Variants in DCC observed in about 807,000 individuals in gnomAD.
DCC encodes the protein netrin receptor DCC.
A neutral mutation model predicts 172.5 loss-of-function variants in DCC; 58 were observed. The ratio of observed to expected loss-of-function variants is 0.34; its 90% CI spans 0.27 to 0.42. The LOEUF (loss-of-function observed/expected upper bound fraction) is 0.42. Among genes scored for constraint, DCC ranks in the 10% least tolerant of loss-of-function variants. DCC has a pLI of 1.00. For synonymous variants in DCC, 709 were observed against 644.5 expected (o/e 1.10, Z -1.52); for missense variants, 1,740 against 1,791.0 (o/e 0.97, Z 0.51).
intron 1 of DCC, among the ~76,000 whole-genome samples, chr18:52,748,789 G>A (rs1376634147): frequency 3.3e-5 from 5 of 152,212 alleles, no homozygotes; most frequent in South Asian, 2.1e-4. Flanking sequence ...GCGGAGAGGC[G>A]ATCTGCAGTG....
chr18:53,045,315 A>C (rs1445176186), intron 5 of DCC, among the ~76,000 whole-genome samples: 1 of 151,930 alleles, frequency 6.6e-6, no homozygotes, highest in Non-Finnish European at 1.5e-5. Context: ...TGCAAGGACA[A>C]AAATGTAAGA....
At chr18:52,385,836 G>A (rs747096879) in intron 1 of DCC, among the ~76,000 whole-genome samples, 16 of 152,062 alleles carry the variant, frequency 1.1e-4, no homozygotes, top group Admixed American at 2.0e-4. Context: ...GCTTGGTATA[G>A]TTGACAATTG....
intron 5 of DCC, among the ~76,000 whole-genome samples, chr18:53,025,248 T>C (rs1243765375): frequency 1.3e-5 from 2 of 152,118 alleles, no homozygotes; most frequent in African/African-American, 4.8e-5. Flanking sequence ...ATTTTTAAAA[T>C]GATATCACTA....
At chr18:52,934,073 G>A (rs1446765785) in intron 5 of DCC, among the ~76,000 whole-genome samples, 2 of 151,944 alleles carry the variant, frequency 1.3e-5, no homozygotes, top group Non-Finnish European at 2.9e-5. Context: ...CATCCCAAAT[G>A]TCACAAATAT....
chr18:52,890,484 C>A (rs1252425156), intron 2 of DCC, among the ~76,000 whole-genome samples: 1 of 152,036 alleles, frequency 6.6e-6, no homozygotes, highest in African/African-American at 2.4e-5. Flanking sequence ...TGGTACATAT[C>A]AGGTAAGAAA....
At chr18:53,051,137 G>A (rs1217793567) in intron 5 of DCC, among the ~76,000 whole-genome samples, 1 of 152,056 alleles carries the variant, frequency 6.6e-6, no homozygotes, top group African/African-American at 2.4e-5. Context: ...GAGTGACATG[G>A]GAGGAGCACT....
intron 9 of DCC, among the ~76,000 whole-genome samples, chr18:53,198,596 A>G (rs2055486018): frequency 6.6e-6 from 1 of 152,148 alleles, no homozygotes. Flanking sequence ...CTCATTATAA[A>G]GTGCTCTGTT....
intron 1 of DCC, among the ~76,000 whole-genome samples, chr18:52,427,632 T>G (rs1987473408): frequency 6.6e-6 from 1 of 152,042 alleles, no homozygotes; most frequent in Admixed American, 6.6e-5. Context: ...TGTTGGCACT[T>G]GTCAGCCAGT....
chr18:52,669,493 C>A (rs539392730), intron 1 of DCC, among the ~76,000 whole-genome samples: 25 of 152,294 alleles, frequency 1.6e-4, no homozygotes, highest in African/African-American at 6.0e-4. Flanking sequence ...CAAGAAGGAA[C>A]AAGGACAGCT....
At chr18:52,830,138 G>A (rs914962855) in intron 2 of DCC, among the ~76,000 whole-genome samples, 1 of 152,150 alleles carries the variant, frequency 6.6e-6, no homozygotes, top group African/African-American at 2.4e-5. Flanking sequence ...AAGAGAGGAA[G>A]ATGCAGTGGA....
intron 8 of DCC, 149 bp downstream of exon 8, chr18:53,157,661 G>A (rs2054765331): frequency 2.5e-6 from 2 of 812,942 alleles, no homozygotes; most frequent in Admixed American, 2.0e-5. Context: ...CAGTGGAGAT[G>A]TGCACTTTTA....
At position 52,730,041 on chromosome 18, in the gene DCC, T is replaced by C. The variant is rs554606373; in HGVS notation, c.92-22013T>C. Among the ~76,000 whole-genome samples the C allele has an allele frequency of 7.7e-4, 118 of 152,328 alleles. 1 individual carries two copies. The Middle Eastern group carries it at 0.014, about 18-fold the overall frequency. On this transcript the variant is annotated intron_variant, in intron 1 of 28. Transcript: ENST00000442544. Reference sequence around the variant, plus strand: ...AGTAAAATCCACTTATTTCAAAGAATACTTAATAGCAAAACTTCTAAATAA... The same window carrying C: ...AGTAAAATCCACTTATTTCAAAGAACACTTAATAGCAAAACTTCTAAATAA...
rs1416599534 is a variant in DCC at position 53,397,547 on chromosome 18, A to G, written c.2827+101A>G. The G allele has an allele frequency of 3.2e-6, 4 of 1,259,498 alleles. No homozygotes were observed. The East Asian group carries it at 9.5e-5, about 30-fold the overall frequency. The allele number at this position is 1,259,498 out of a possible 1,614,324, so 78.0% of individuals were successfully genotyped here. A position where few individuals can be genotyped will look rare whatever the true frequency, so the allele number is the denominator to read the frequency against. On this transcript the variant is annotated intron_variant, in intron 18 of 28. Transcript: ENST00000442544. ...CCCTATGGTGTCTCAATTATACCTT[A>G]TCCTATATAAAATAGTTCATCCTCT...
At chr18:53,455,954 A>AAATAAGTG (rs1187162168) in intron 23 of DCC, among the ~76,000 whole-genome samples, 1 of 152,260 alleles carries the variant, frequency 6.6e-6, no homozygotes. Context: ...TTGAATAAAT[A>AAATAAGTG]AATAAGTGTT....
intron 15 of DCC, among the ~76,000 whole-genome samples, chr18:53,380,362 C>A (rs908246755): frequency 2.0e-5 from 3 of 152,164 alleles, no homozygotes; most frequent in African/African-American, 7.2e-5. Context: ...CTTTCCTCTT[C>A]CATATACATT....
chr18:53,304,882 T>C lies in DCC; in HGVS notation c.1912-696T>C, dbSNP rs370665167. Among the ~76,000 whole-genome samples the C allele has an allele frequency of 5.9e-5, 9 of 152,282 alleles. No homozygotes were observed. In the South Asian group the frequency reaches 1.9e-3, roughly 32 times the overall value. The stretch of plus-strand genomic sequence containing the variant: ...CGGTTTGACTGTGTCCCCACCTAAA[T>C]CTCATCTTGAATTGTAGCTCCCATA... On this transcript the variant is annotated intron_variant, in intron 12 of 28. Coordinates refer to ENST00000442544, the MANE Select transcript of DCC (RefSeq NM_005215.4).
intron 1 of DCC, among the ~76,000 whole-genome samples, chr18:52,495,791 A>C (rs1200531411): frequency 6.9e-6 from 1 of 144,684 alleles, no homozygotes; most frequent in African/African-American, 2.6e-5. Context: ...AGCAATTTGG[A>C]GTGTTGTGAT....
intron 1 of DCC, among the ~76,000 whole-genome samples, chr18:52,597,514 AT>A (rs35443436): frequency 0.38 from 58,365 of 151,756 alleles, 11,280 homozygotes; most frequent in African/African-American, 0.41. Flanking sequence ...AGTTTAAGCA[AT>A]TTTTTTCTGT....
intron 1 of DCC, among the ~76,000 whole-genome samples, chr18:52,430,402 G>T (rs948386766): frequency 1.3e-5 from 2 of 151,428 alleles, no homozygotes; most frequent in Admixed American, 1.3e-4. Flanking sequence ...AAGAAAAAAT[G>T]CATTGGTTAA....
Sources: allele counts gnomAD v4.1 joint callset (sites outside exome capture counted in the v4.1 genomes callset), GRCh38; gene constraint gnomAD v4.1.1; transcripts MANE v1.5; gene names NCBI Gene and HGNC (gene_info 2026-07-23, HGNC 2026-07-21).